PCDHGA4: variants seen among roughly 807,000 people sequenced by gnomAD.
The protein encoded by PCDHGA4 is protocadherin gamma subfamily A, 4.
Under a neutral mutation model 54.6 loss-of-function variants are expected in PCDHGA4, and 38 were observed. The observed-to-expected ratio is 0.70, with a 90% CI of 0.54 to 0.91. The LOEUF is 0.91. Among genes scored for constraint, PCDHGA4 ranks in the 40% least tolerant of loss-of-function variants. The pLI, the probability that PCDHGA4 is intolerant of heterozygous loss-of-function variation, is 0.00. For synonymous variants in PCDHGA4, 511 were observed against 512.9 expected (o/e 1.00, Z 0.05); for missense variants, 1,298 against 1,220.9 (o/e 1.06, Z -0.94).
chr5:141,409,237 A>G lies in PCDHGA4; in HGVS notation c.2514+51616A>G, dbSNP rs375806619. The G allele has an allele frequency of 7.2e-5, 116 of 1,614,054 alleles. 2 individuals are homozygous for G. Among genetic ancestry groups the G allele is most frequent in the East Asian group, 6.5e-4 (29 of 44,886 alleles). ...TCCTTGATGAAAACGACAACAGCCC[A>G]GAAATAATCATCACTTCTCTCTCTG... On this transcript the variant is annotated intron_variant, in intron 1 of 3. Coordinates refer to ENST00000571252, the MANE Select transcript of PCDHGA4 (RefSeq NM_018917.4).
At chr5:141,394,851 C>T in intron 1 of PCDHGA4, 1 of 1,613,824 alleles carries the variant, frequency 6.2e-7, no homozygotes, top group Non-Finnish European at 8.5e-7. Context: ...CAGTCTGAAG[C>T]CTTCGGTCGA....
intron 1 of PCDHGA4, chr5:141,389,665 C>A (rs1258802999): frequency 6.2e-7 from 1 of 1,612,414 alleles, no homozygotes; most frequent in East Asian, 2.2e-5. Context: ...GCGGTGGACG[C>A]AGACTCAGGA....
chr5:141,361,684 C>T, intron 1 of PCDHGA4: 1 of 1,613,590 alleles, frequency 6.2e-7, no homozygotes, highest in Non-Finnish European at 8.5e-7. Context: ...GGTGTTCGCG[C>T]AGCGCGCCTT....
At chr5:141,397,591 A>G (rs1202251855) in intron 1 of PCDHGA4, among the ~76,000 whole-genome samples, 1 of 152,204 alleles carries the variant, frequency 6.6e-6, no homozygotes, top group Non-Finnish European at 1.5e-5. Flanking sequence ...ATTAATTATT[A>G]TATTGCCAGT....
chr5:141,410,589 A>G (rs2095410065), intron 1 of PCDHGA4: 1 of 1,609,086 alleles, frequency 6.2e-7, no homozygotes, highest in Non-Finnish European at 8.5e-7. Flanking sequence ...GGTGGGGAGG[A>G]TTTGACTTCA....
At chr5:141,369,308 G>A (rs1356330525) in intron 1 of PCDHGA4, among the ~76,000 whole-genome samples, 2 of 152,074 alleles carry the variant, frequency 1.3e-5, no homozygotes, top group African/African-American at 4.8e-5. Flanking sequence ...TCATTGTTAG[G>A]CTACTTGAGA....
chr5:141,417,518 G>C (rs193231266), intron 1 of PCDHGA4: 8 of 257,454 alleles, frequency 3.1e-5, no homozygotes, highest in Non-Finnish European at 5.1e-5. Context: ...TATTTTGGCT[G>C]TCAACTCGTA....
At chr5:141,450,702 G>A (rs1466981422) in intron 1 of PCDHGA4, among the ~76,000 whole-genome samples, 1 of 152,026 alleles carries the variant, frequency 6.6e-6, no homozygotes, top group Non-Finnish European at 1.5e-5. Flanking sequence ...GCCCAGGATG[G>A]TCTCCAACTC....
intron 1 of PCDHGA4, among the ~76,000 whole-genome samples, chr5:141,436,531 G>A (rs1365651055): frequency 2.6e-5 from 4 of 152,152 alleles, no homozygotes; most frequent in South Asian, 2.1e-4. Flanking sequence ...CCTTTAGCAA[G>A]TTATTTAATC....
intron 1 of PCDHGA4, chr5:141,423,461 A>G (rs1590478217): frequency 6.2e-7 from 1 of 1,613,982 alleles, no homozygotes; most frequent in Non-Finnish European, 8.5e-7. Context: ...GTAGGCGTGG[A>G]CGGGGTACAG....
intron 1 of PCDHGA4, chr5:141,408,154 A>T: frequency 6.6e-7 from 1 of 1,510,630 alleles, no homozygotes; most frequent in Non-Finnish European, 8.9e-7. Context: ...GGTAGAGTGC[A>T]CTTTCTCCAA....
rs750928530 is a variant in PCDHGA4 at position 141,490,174 on chromosome 5, G to T, written c.2515-4633G>T. 1 of 1,614,056 alleles carries T rather than the reference G, an allele frequency of 6.2e-7. No individual in the cohort carries two copies. Among genetic ancestry groups the T allele is most frequent in the South Asian group, 1.1e-5 (1 of 91,086 alleles). ...TGTGTTGGGTCCCATAGACTTTGAG[G>T]AGTCACGTTTCTATGAAATTCATGC... On this transcript the variant is annotated intron_variant, in intron 1 of 3. Transcript: ENST00000571252. This position sits in a 1 kb window ranked among gnomAD's most constrained non-coding sequence, Gnocchi z 5.4.
At chr5:141,437,463 AC>A (rs2097887109) in intron 1 of PCDHGA4, among the ~76,000 whole-genome samples, 1 of 152,184 alleles carries the variant, frequency 6.6e-6, no homozygotes, top group Non-Finnish European at 1.5e-5. Flanking sequence ...ACTATACTAT[AC>A]TTTTATAGCA....
At chr5:141,407,347 TG>T (rs1273387665) in intron 1 of PCDHGA4, among the ~76,000 whole-genome samples, 1 of 152,176 alleles carries the variant, frequency 6.6e-6, no homozygotes, top group Non-Finnish European at 1.5e-5. Flanking sequence ...TATGTTAATT[TG>T]GGGAAAACAT....
At chr5:141,421,894 C>A in intron 1 of PCDHGA4, 3 of 1,613,704 alleles carry the variant, frequency 1.9e-6, no homozygotes, top group Non-Finnish European at 2.5e-6. Context: ...CGATCCCATC[C>A]GAAAGGGCGC....
chr5:141,388,212 G>C, intron 1 of PCDHGA4: 3 of 1,590,850 alleles, frequency 1.9e-6, no homozygotes, highest in Non-Finnish European at 2.6e-6. Flanking sequence ...TGAGGCTGTT[G>C]CTGAAAATCC....
chr5:141,409,629 C>T (rs1379627250), intron 1 of PCDHGA4: 3 of 1,613,860 alleles, frequency 1.9e-6, no homozygotes, highest in East Asian at 4.5e-5. Flanking sequence ...CAAGTGAGCG[C>T]CTCTGACCCG....
intron 1 of PCDHGA4, chr5:141,403,694 C>A (rs746395931): frequency 2.5e-6 from 4 of 1,613,878 alleles, no homozygotes; most frequent in Admixed American, 1.7e-5. Context: ...ACGGATTTAC[C>A]GAGTTAAAGT....
intron 2 of PCDHGA4, among the ~76,000 whole-genome samples, chr5:141,496,474 T>A (rs2099769027): frequency 6.6e-6 from 1 of 152,140 alleles, no homozygotes; most frequent in African/African-American, 2.4e-5. Context: ...CTTTCCCCCA[T>A]CCTGCAACCA....
Sources: gnomAD v4.1 joint callset for allele counts (sites outside exome capture counted in the v4.1 genomes callset) on GRCh38, gnomAD v4.1.1 for gene constraint, Gnocchi (gnomAD v3.1) non-coding constraint, MANE v1.5 for transcripts, NCBI Gene and HGNC (gene_info 2026-07-23, HGNC 2026-07-21) for gene names.